Variants in ALOX5 observed in about 807,000 individuals in gnomAD.
The protein encoded by ALOX5 is arachidonate 5-lipoxygenase.
ALOX5 carries 64 observed loss-of-function variants against 87.9 expected under a neutral mutation model. The observed-to-expected ratio is 0.73, with a 90% confidence interval of 0.60 to 0.90. The LOEUF (loss-of-function observed/expected upper bound fraction) is 0.90. Ranked by LOEUF, ALOX5 falls within the 40% of genes least tolerant of loss-of-function variation. The pLI is 0.00. For synonymous variants in ALOX5, 388 were observed against 355.1 expected (o/e 1.09, Z -1.04); for missense variants, 822 against 907.5 (o/e 0.91, Z 1.21).
chr10:45,444,640 G>T (rs1842376990), intron 13 of ALOX5: 2 of 282,602 alleles, frequency 7.1e-6, no homozygotes, highest in African/African-American at 2.2e-5. Context: ...TTCCGGACAC[G>T]TGCATCTCAT....
At chr10:45,396,191 C>G (rs1840496781) in intron 3 of ALOX5, among the ~76,000 whole-genome samples, 2 of 152,158 alleles carry the variant, frequency 1.3e-5, no homozygotes. Context: ...GGCAGAAAAG[C>G]TTGAGTGTAC....
chr10:45,392,083 T>G (rs371666203), intron 2 of ALOX5, among the ~76,000 whole-genome samples: 2 of 143,800 alleles, frequency 1.4e-5, no homozygotes, highest in African/African-American at 2.7e-5. Context: ...GAGAGGGAGG[T>G]GGGGGGGTCA....
intron 4 of ALOX5, among the ~76,000 whole-genome samples, chr10:45,413,177 A>C (rs1233758240): frequency 1.3e-5 from 2 of 152,226 alleles, no homozygotes; most frequent in East Asian, 1.9e-4. Flanking sequence ...GATGAACATC[A>C]ATGCGAAAAT....
chr10:45,435,993 G>A (rs1470449978), intron 7 of ALOX5, among the ~76,000 whole-genome samples: 1 of 152,098 alleles, frequency 6.6e-6, no homozygotes, highest in Non-Finnish European at 1.5e-5. Flanking sequence ...TCCCTTTGTG[G>A]TTTTAATTTG....
chr10:45,375,836 G>C (rs1366543076), intron 1 of ALOX5, among the ~76,000 whole-genome samples: 1 of 152,178 alleles, frequency 6.6e-6, no homozygotes, highest in African/African-American at 2.4e-5. Context: ...TGCCCCAGTC[G>C]GGGAACTGAC....
chr10:45,428,778 G>T lies in ALOX5; in HGVS notation c.981+14G>T. On this transcript the variant is annotated intron_variant, in intron 7 of 13. Transcript: ENST00000374391. The stretch of plus-strand genomic sequence containing the variant: ...ATTGCCATCCAGGTAGGCTGCTGGG[G>T]GGCACACCTTTCTGAGCAGCTCAGT... The T allele has an allele frequency of 1.2e-6, 2 of 1,613,434 alleles. No homozygotes were observed. The highest frequency in any genetic ancestry group is 1.1e-5 in the South Asian group (1 of 91,038).
At chr10:45,436,334 G>A (rs1487873745) in intron 7 of ALOX5, among the ~76,000 whole-genome samples, 1 of 152,112 alleles carries the variant, frequency 6.6e-6, no homozygotes, top group Non-Finnish European at 1.5e-5. Flanking sequence ...CCTAGGAAAT[G>A]TCCATAAGAT....
chr10:45,439,362 C>T (rs1179930509), intron 7 of ALOX5, among the ~76,000 whole-genome samples: 1 of 152,176 alleles, frequency 6.6e-6, no homozygotes, highest in African/African-American at 2.4e-5. Context: ...GACCACTGTG[C>T]TGCAGTGACA....
rs997109806 is a variant in ALOX5, at chr10:45,421,495, C to A, written c.555-2546C>A. Among the ~76,000 whole-genome samples the A allele has an allele frequency of 1.3e-4, 20 of 152,356 alleles. No individual in the cohort carries two copies. The East Asian group carries it at 3.3e-3, about 25-fold the overall frequency. ...GCCTCTCATCTCCCAGAAATAAGTT[C>A]TTTTCCCCACCCAGACTGACACCAG... On this transcript the variant is annotated intron_variant, in intron 4 of 13. Coordinates refer to ENST00000374391, the MANE Select transcript of ALOX5 (RefSeq NM_000698.5).
At chr10:45,396,729 A>G (rs1204204240) in intron 3 of ALOX5, among the ~76,000 whole-genome samples, 2 of 152,222 alleles carry the variant, frequency 1.3e-5, no homozygotes, top group Non-Finnish European at 2.9e-5. Context: ...ATTGTCTCAT[A>G]CCCATATTAT....
At position 45,412,410 on chromosome 10, in the gene ALOX5, G is replaced by A; in HGVS notation, c.554+97G>A. 4 of 1,511,714 alleles carry A rather than the reference G, an allele frequency of 2.6e-6. No individual in the cohort carries two copies. The Admixed American group carries it at 8.0e-5, about 30-fold the overall frequency. The allele number at this position is 1,511,714 out of a possible 1,614,324, so 93.6% of individuals were successfully genotyped here. A position where few individuals can be genotyped will look rare whatever the true frequency, so the allele number is the denominator to read the frequency against. On this transcript the variant is annotated intron_variant, in intron 4 of 13. Coordinates refer to ENST00000374391, the MANE Select transcript of ALOX5 (RefSeq NM_000698.5). ...CCTTTCCTCATGGGGTCCTTGGGTT[G>A]GGGGAACAGCCTAGCTGAGCCAAAC...
At chr10:45,385,669 C>T (rs1290317267) in intron 2 of ALOX5, among the ~76,000 whole-genome samples, 2 of 152,168 alleles carry the variant, frequency 1.3e-5, no homozygotes, top group Non-Finnish European at 2.9e-5. Flanking sequence ...TCCAGAATTA[C>T]CCCCATAGCC....
chr10:45,379,536 T>A (rs147390865), intron 1 of ALOX5, among the ~76,000 whole-genome samples: 3 of 152,254 alleles, frequency 2.0e-5, no homozygotes, highest in South Asian at 2.1e-4. Flanking sequence ...CCTCCTCCCA[T>A]GTGTGCTCCA....
chr10:45,435,500 T>C (rs1842036890), intron 7 of ALOX5, among the ~76,000 whole-genome samples: 1 of 152,206 alleles, frequency 6.6e-6, no homozygotes, highest in Non-Finnish European at 1.5e-5. Flanking sequence ...CTCCCACTTA[T>C]AAATAAGAAC....
intron 1 of ALOX5, among the ~76,000 whole-genome samples, chr10:45,377,800 C>G (rs529562408): frequency 6.6e-6 from 1 of 152,350 alleles, no homozygotes; most frequent in Admixed American, 6.5e-5. Context: ...TGATGAAAGA[C>G]AGATGAAAAC....
chr10:45,413,799 A>G (rs926659086), intron 4 of ALOX5, among the ~76,000 whole-genome samples: 1 of 143,768 alleles, frequency 7.0e-6, no homozygotes, highest in African/African-American at 2.8e-5. Context: ...TATACCAATA[A>G]CAGACAGACA....
intron 1 of ALOX5, among the ~76,000 whole-genome samples, chr10:45,375,978 G>A (rs925773435): frequency 6.6e-6 from 1 of 152,208 alleles, no homozygotes; most frequent in Non-Finnish European, 1.5e-5. Context: ...GAAGGACAGG[G>A]TACAGGCTAC....
chr10:45,414,826 A>G (rs1293084920), intron 4 of ALOX5, among the ~76,000 whole-genome samples: 4 of 152,270 alleles, frequency 2.6e-5, no homozygotes, highest in Admixed American at 2.6e-4. Context: ...CAATAGACAC[A>G]TGAAGAAATG....
At chr10:45,390,580 C>A (rs953391779) in intron 2 of ALOX5, among the ~76,000 whole-genome samples, 1 of 152,218 alleles carries the variant, frequency 6.6e-6, no homozygotes, top group African/African-American at 2.4e-5. Context: ...ACAACCTGCA[C>A]CTGAATGACT....
Sources: allele counts gnomAD v4.1 joint callset (sites outside exome capture counted in the v4.1 genomes callset), GRCh38; gene constraint gnomAD v4.1.1; transcripts MANE v1.5; gene names NCBI Gene and HGNC (gene_info 2026-07-23, HGNC 2026-07-21).